The following TCF4 variants were observed in gnomAD, a reference collection of about 807,000 sequenced individuals.
TCF4 encodes the protein SL3-3 enhancer factor 2.
In TCF4, 3 loss-of-function variants were observed where a neutral mutation model predicts 82.1. The ratio of observed to expected loss-of-function variants is 0.04; its 90% CI spans 0.02 to 0.09. The LOEUF (loss-of-function observed/expected upper bound fraction) is 0.09. TCF4 is among the 10% of genes least tolerant of loss of function. The probability of loss-of-function intolerance (pLI) is 1.00; values close to 1 mark genes in which losing one functional copy is unlikely to be tolerated. For missense variants in TCF4, 518 were observed against 852.7 expected (o/e 0.61, Z 4.89); for synonymous variants, 276 against 309.6 (o/e 0.89, Z 1.14).
chr18:55,571,874 CAAAAAAA>C (rs57217543), intron 3 of TCF4, among the ~76,000 whole-genome samples: 6 of 122,572 alleles, frequency 4.9e-5, no homozygotes, highest in Non-Finnish European at 1.1e-4. Flanking sequence ...ATTTTCTTTT[CAAAAAAA>C]AAAAAAAAGC....
chr18:55,284,913 G>A (rs1043255633), intron 8 of TCF4, among the ~76,000 whole-genome samples: 1 of 152,126 alleles, frequency 6.6e-6, no homozygotes, highest in Non-Finnish European at 1.5e-5. Flanking sequence ...AACTACCCAT[G>A]TACTTTGATG....
chr18:55,589,836 C>A, upstream of TCF4: 1 of 1,004,806 alleles, frequency 1.0e-6, no homozygotes, highest in South Asian at 4.7e-5. Flanking sequence ...GCGGCTGCTC[C>A]TCCAGACAAT....
At chr18:55,443,985 A>G (rs149259098) in intron 5 of TCF4, among the ~76,000 whole-genome samples, 1 of 152,200 alleles carries the variant, frequency 6.6e-6, no homozygotes, top group African/African-American at 2.4e-5. Flanking sequence ...ACTCAGAGAA[A>G]GCAACTTAGA....
Position 55,228,089 on chromosome 18 carries a change from G to A in TCF4, c.*5-59C>T. ...AATATATTTGTAACAGAAAAAGTATGCTTTTTTTAAAAAAAATTCTTTTTC... is the reference window on the plus strand; with the variant it reads ...AATATATTTGTAACAGAAAAAGTATACTTTTTTTAAAAAAAATTCTTTTTC... On this transcript the variant is annotated intron_variant, in intron 19 of 19. Coordinates refer to ENST00000354452, the MANE Select transcript of TCF4 (RefSeq NM_001083962.2). 3 of 1,160,744 alleles carry A rather than the reference G, an allele frequency of 2.6e-6. No individual in the cohort carries two copies. The South Asian group carries it at 4.2e-5, about 16-fold the overall frequency. The allele number at this position is 1,160,744 out of a possible 1,614,324, so 71.9% of individuals were successfully genotyped here. A position where few individuals can be genotyped will look rare whatever the true frequency, so the allele number is the denominator to read the frequency against.
Position 55,577,213 on chromosome 18 carries a change from A to ATATACATTTATATATTTATAT in TCF4, c.145+8066_145+8067insATATAAATATATAAATGTATA, listed in dbSNP as rs1568443765. ...ATATATACATTTATATATTTATATAAATGTATATATACGTTTATATATTTA... is the reference window on the plus strand; with the variant it reads ...ATATATACATTTATATATTTATATAATATACATTTATATATTTATATATGTATATATACGTTTATATATTTA... On this transcript the variant is annotated intron_variant, in intron 3 of 19. Coordinates refer to ENST00000354452, the MANE Select transcript of TCF4 (RefSeq NM_001083962.2). Among the ~76,000 whole-genome samples, 2 of 17,836 alleles carry ATATACATTTATATATTTATAT rather than the reference A, an allele frequency of 1.1e-4. 1 individual carries two copies. The highest frequency in any genetic ancestry group is 1.2e-3 in the African/African-American group (2 of 1,640). 11.7% of individuals were successfully genotyped at this position (17,836 alleles called of 152,430 possible). A position where few individuals can be genotyped will look rare whatever the true frequency, so the allele number is the denominator to read the frequency against.
chr18:55,474,839 AAC>A (rs1425938660), intron 3 of TCF4, among the ~76,000 whole-genome samples: 2 of 152,082 alleles, frequency 1.3e-5, no homozygotes, highest in African/African-American at 4.8e-5. Flanking sequence ...CAGTGGCACA[AAC>A]ACAGCTCACC....
chr18:55,360,358 A>C (rs2084775911), intron 6 of TCF4, among the ~76,000 whole-genome samples: 1 of 152,174 alleles, frequency 6.6e-6, no homozygotes, highest in African/African-American at 2.4e-5. Context: ...CAACTTAAGA[A>C]TTGAATTAAA....
At chr18:55,280,117 A>T (rs2062266844) in intron 8 of TCF4, among the ~76,000 whole-genome samples, 1 of 152,068 alleles carries the variant, frequency 6.6e-6, no homozygotes, top group African/African-American at 2.4e-5. Context: ...GGGAGGGGGG[A>T]GACAGAGAGA....
intron 5 of TCF4, among the ~76,000 whole-genome samples, chr18:55,431,417 T>A (rs558106274): frequency 3.9e-5 from 6 of 152,252 alleles, no homozygotes; most frequent in African/African-American, 1.4e-4. Flanking sequence ...GTAGCTGGGA[T>A]TACAGGCACC....
At position 55,403,704 on chromosome 18, in the gene TCF4, AT is replaced by A. The variant is rs760009591; in HGVS notation, c.305-187del. On this transcript the variant is annotated intron_variant, in intron 5 of 19. Coordinates refer to ENST00000354452, the MANE Select transcript of TCF4 (RefSeq NM_001083962.2). ...TCTGGCTATGATAAACTGGAAAAAAATATCCTTCATTCCTATTCTTAGCCAA... is the reference window on the plus strand; with the variant it reads ...TCTGGCTATGATAAACTGGAAAAAAAATCCTTCATTCCTATTCTTAGCCAA... 9 of 1,543,414 alleles carry A rather than the reference AT, an allele frequency of 5.8e-6. No homozygotes were observed. The African/African-American group carries it at 8.2e-5, about 14-fold the overall frequency.
chr18:55,259,748 T>C (rs1600493773), intron 13 of TCF4: 2 of 568,004 alleles, frequency 3.5e-6, no homozygotes, highest in Non-Finnish European at 6.3e-6. Flanking sequence ...AATCTAATTT[T>C]TAAGAAAAGG....
At chr18:55,419,544 T>C (rs999452380) in intron 5 of TCF4, among the ~76,000 whole-genome samples, 5 of 152,226 alleles carry the variant, frequency 3.3e-5, no homozygotes, top group African/African-American at 9.6e-5. Flanking sequence ...TATTATCTTA[T>C]AGGGTTTTTA....
intron 6 of TCF4, among the ~76,000 whole-genome samples, chr18:55,371,453 C>T (rs2089134828): frequency 6.6e-6 from 1 of 152,152 alleles, no homozygotes; most frequent in Non-Finnish European, 1.5e-5. Flanking sequence ...CAAAGAGATG[C>T]TTGGAGAAAT....
At chr18:55,582,963 T>C (rs2097590459) in intron 3 of TCF4, among the ~76,000 whole-genome samples, 1 of 152,306 alleles carries the variant, frequency 6.6e-6, no homozygotes, top group African/African-American at 2.4e-5. Context: ...TTTTAAAATG[T>C]ATTACGCTTT....
At chr18:55,627,021 TA>T (rs2097727138) in intron 2 of TCF4, among the ~76,000 whole-genome samples, 1 of 152,238 alleles carries the variant, frequency 6.6e-6, no homozygotes, top group Admixed American at 6.5e-5. Context: ...AATGTTCAGC[TA>T]ATCGATGTGA....
intron 6 of TCF4, among the ~76,000 whole-genome samples, chr18:55,386,997 G>GA (rs1409454142): frequency 1.4e-4 from 21 of 152,102 alleles, no homozygotes; most frequent in Non-Finnish European, 5.9e-5. Flanking sequence ...CACTAGAACA[G>GA]AAAAAAGAGG....
At chr18:55,597,673 A>T (rs1277431093) in intron 2 of TCF4, among the ~76,000 whole-genome samples, 1 of 152,184 alleles carries the variant, frequency 6.6e-6, no homozygotes, top group Non-Finnish European at 1.5e-5. Flanking sequence ...TCTCAAAAAA[A>T]AAAAGGTAAA....
At chr18:55,336,989 G>A (rs1389155504) in intron 8 of TCF4, among the ~76,000 whole-genome samples, 4 of 152,036 alleles carry the variant, frequency 2.6e-5, no homozygotes, top group Non-Finnish European at 4.4e-5. Context: ...GGTGATTCTC[G>A]AAATTTTGCA....
upstream of TCF4, among the ~76,000 whole-genome samples, chr18:55,589,107 A>C (rs938971616): frequency 6.6e-6 from 1 of 152,174 alleles, no homozygotes; most frequent in Non-Finnish European, 1.5e-5. Context: ...TGAAAAAAAA[A>C]ACACACATTC....
Sources: gnomAD v4.1 joint callset for allele counts (sites outside exome capture counted in the v4.1 genomes callset) on GRCh38, gnomAD v4.1.1 for gene constraint, MANE v1.5 for transcripts, NCBI Gene and HGNC (gene_info 2026-07-23, HGNC 2026-07-21) for gene names.